The following NCKAP5 variants were observed in gnomAD, a reference collection of about 807,000 sequenced individuals.
The protein encoded by NCKAP5 is nck-associated protein 5.
Under a neutral mutation model 167.0 loss-of-function variants are expected in NCKAP5, and 92 were observed. The ratio of observed to expected loss-of-function variants is 0.55; its 90% CI spans 0.47 to 0.66. The LOEUF is 0.66. Ranked by LOEUF, NCKAP5 falls within the 30% of genes least tolerant of loss-of-function variation. NCKAP5 has a pLI of 0.00. For missense variants in NCKAP5, 2,378 were observed against 2,315.0 expected (o/e 1.03, Z -0.56); for synonymous variants, 891 against 877.4 (o/e 1.02, Z -0.27).
At chr2:133,616,379 C>G in the NCKAP5 span, among the ~76,000 whole-genome samples, 2 of 151,912 alleles carry the variant, frequency 1.3e-5, no homozygotes, top group South Asian at 2.1e-4. Context: ...TTTTTGAAAG[C>G]ATCAACAAAG....
At chr2:133,076,672 C>A (rs2080614521) in intron 6 of NCKAP5, among the ~76,000 whole-genome samples, 1 of 152,186 alleles carries the variant, frequency 6.6e-6, no homozygotes, top group Non-Finnish European at 1.5e-5. Flanking sequence ...GATAGTGGTA[C>A]ATGATACCTT....
intron 6 of NCKAP5, among the ~76,000 whole-genome samples, chr2:133,087,887 T>A (rs2081044904): frequency 6.6e-6 from 1 of 152,172 alleles, no homozygotes; most frequent in South Asian, 2.1e-4. Flanking sequence ...CACTGTGTTG[T>A]TTGTACATAT....
rs1692234692 is a variant in NCKAP5 at position 133,462,086 on chromosome 2, G to A, written c.69+55372C>T. Among the ~76,000 whole-genome samples the A allele has an allele frequency of 3.3e-5, 5 of 152,236 alleles. No individual in the cohort carries two copies. The South Asian group carries it at 1.0e-3, about 31-fold the overall frequency. On this transcript the variant is annotated intron_variant, in intron 3 of 19. Transcript: ENST00000409261. ...AGTTGCATTATTTCACATAGGGAAT[G>A]TATTTGCTTTTGCCTAACAACCCTA... is the stretch of plus-strand genomic sequence containing the variant.
intron 6 of NCKAP5, among the ~76,000 whole-genome samples, chr2:133,038,852 G>A (rs2079119579): frequency 6.6e-6 from 1 of 152,156 alleles, no homozygotes; most frequent in Non-Finnish European, 1.5e-5. Flanking sequence ...ATAGTCACAG[G>A]TTCTGAGTAT....
rs143461901 is a variant in NCKAP5 at position 132,785,687 on chromosome 2, C to T, written c.1124G>A (p.Ser375Asn). Reference sequence around the variant, plus strand: ...GCCACTTGGGAGCGAAGAATCAATACTTAGCCTTTTATCCCAGTTTTGTGA... The same window carrying T: ...GCCACTTGGGAGCGAAGAATCAATATTTAGCCTTTTATCCCAGTTTTGTGA... ...QSSQNWDKRLSIDSSLPSGFA... is the reference protein window; with the variant it reads ...QSSQNWDKRLNIDSSLPSGFA... Residue 375 changes from serine (S) to asparagine (N), a missense_variant, in exon 14 of 20, where the codon AGT (serine) becomes AAT (asparagine). Transcript: ENST00000409261. 6.7e-7 allele frequency: 1 copy of T among 1,502,774 alleles called. No individual in the cohort carries two copies. Among genetic ancestry groups the T allele is most frequent in the Non-Finnish European group, 8.9e-7 (1 of 1,127,410 alleles). 93.1% of individuals were successfully genotyped at this position (1,502,774 alleles called of 1,614,324 possible).
Position 132,785,456 on chromosome 2 carries a change from C to T in NCKAP5, c.1355G>A (p.Cys452Tyr), listed in dbSNP as rs1196844058. ...GGGGCTCCCCAGGTCAGCTGTTTTG[C>T]AGGGGGGATACTCCTTGAGGCTGCT... ...KSSSLKEYPP[C>Y]KTADLGSPCK... Residue 452 changes from cysteine to tyrosine, a missense_variant, in exon 14 of 20, where the codon TGC becomes TAC. Physicochemically the swap from Cys to Tyr is radical, Grantham distance 194. Around this residue, in one of 3 missense-constraint regions of NCKAP5, gnomAD observed 1,049 missense variants for 1,023.4 expected, o/e 1.02. Transcript: ENST00000409261. The T allele has an allele frequency of 6.2e-7, 1 of 1,613,696 alleles. No individual in the cohort carries two copies. Among genetic ancestry groups the T allele is most frequent in the Admixed American group, 1.7e-5 (1 of 60,010 alleles).
At chr2:132,819,831 T>C (rs10199393) in intron 11 of NCKAP5, among the ~76,000 whole-genome samples, 40,761 of 152,092 alleles carry the variant, frequency 0.27, 5,996 homozygotes, top group African/African-American at 0.4. Context: ...AGTGGAAGTA[T>C]TCATTCATTC....
At chr2:133,178,887 T>G (rs1017734379) in intron 5 of NCKAP5, among the ~76,000 whole-genome samples, 1 of 146,638 alleles carries the variant, frequency 6.8e-6, no homozygotes, top group Non-Finnish European at 1.5e-5. Flanking sequence ...CAGCAGGGCC[T>G]AAGCATGGTA....
intron 16 of NCKAP5, among the ~76,000 whole-genome samples, chr2:132,745,782 A>T (rs1280217988): frequency 6.6e-6 from 1 of 152,060 alleles, no homozygotes; most frequent in Non-Finnish European, 1.5e-5. Context: ...TAGCAAAATC[A>T]ATTGTATTAG....
chr2:133,383,048 T>C (rs1415073570), intron 3 of NCKAP5, among the ~76,000 whole-genome samples: 1 of 152,094 alleles, frequency 6.6e-6, no homozygotes, highest in Admixed American at 6.6e-5. Flanking sequence ...TGATGCATTC[T>C]AGGATTGCTT....
chr2:133,641,095 A>G, the NCKAP5 span, among the ~76,000 whole-genome samples: 3 of 152,202 alleles, frequency 2.0e-5, no homozygotes, highest in Admixed American at 1.3e-4. Context: ...AGCTCTTTGG[A>G]GGTTCTCTGG....
chr2:133,619,723 C>G, the NCKAP5 span, among the ~76,000 whole-genome samples: 3 of 152,036 alleles, frequency 2.0e-5, no homozygotes, highest in Non-Finnish European at 4.4e-5. Context: ...TGCTAGAGAT[C>G]TAGACATCCA....
intron 3 of NCKAP5, among the ~76,000 whole-genome samples, chr2:133,377,375 T>C (rs1326683735): frequency 6.6e-6 from 1 of 152,196 alleles, no homozygotes; most frequent in Non-Finnish European, 1.5e-5. Flanking sequence ...ATAAGCATAG[T>C]AAAAATGACA....
chr2:133,160,976 G>C (rs1044565730), intron 5 of NCKAP5, among the ~76,000 whole-genome samples: 2 of 152,268 alleles, frequency 1.3e-5, no homozygotes, highest in African/African-American at 4.8e-5. Context: ...TCTGTGGCCT[G>C]TTAGGAATGG....
intron 2 of NCKAP5, among the ~76,000 whole-genome samples, chr2:133,534,083 T>C (rs1685572305): frequency 6.6e-6 from 1 of 152,180 alleles, no homozygotes; most frequent in Non-Finnish European, 1.5e-5. Flanking sequence ...ATGGTTTCAG[T>C]GGAGGTTAGA....
At chr2:133,334,087 T>C (rs761282903) in intron 3 of NCKAP5, among the ~76,000 whole-genome samples, 24 of 152,146 alleles carry the variant, frequency 1.6e-4, no homozygotes, top group African/African-American at 5.1e-4. Flanking sequence ...CGTTGAGAGA[T>C]GGTTTATTTC....
intron 3 of NCKAP5, among the ~76,000 whole-genome samples, chr2:133,435,093 T>C (rs1690390209): frequency 6.6e-6 from 1 of 152,202 alleles, no homozygotes; most frequent in African/African-American, 2.4e-5. Context: ...TATTACACCA[T>C]CTGGGATAGG....
intron 8 of NCKAP5, among the ~76,000 whole-genome samples, chr2:132,911,974 GAGC>G (rs988387103): frequency 2.0e-4 from 30 of 152,316 alleles, no homozygotes; most frequent in Middle Eastern, 6.8e-3. Flanking sequence ...CTGCCTGGAG[GAGC>G]CTGTGAGCTG....
chr2:133,401,918 C>A (rs1014676687), intron 3 of NCKAP5, among the ~76,000 whole-genome samples: 2 of 152,024 alleles, frequency 1.3e-5, no homozygotes, highest in South Asian at 2.1e-4. Context: ...TCTCTTGGAC[C>A]TACTGTACTA....
Sources: allele counts gnomAD v4.1 joint callset (sites outside exome capture counted in the v4.1 genomes callset), GRCh38; gene constraint gnomAD v4.1.1; regional missense constraint gnomAD v4.1.1; transcripts MANE v1.5; gene names NCBI Gene and HGNC (gene_info 2026-07-23, HGNC 2026-07-21).